MGAT4C: variants seen among roughly 807,000 people sequenced by gnomAD.
The protein encoded by MGAT4C is alpha-1,3-mannosyl-glycoprotein 4-beta-N-acetylglucosaminyltransferase C.
A neutral mutation model predicts 40.1 loss-of-function variants in MGAT4C; 19 were observed. The observed-to-expected ratio is 0.47, with a 90% CI of 0.33 to 0.70. The LOEUF (loss-of-function observed/expected upper bound fraction) is 0.70, where lower values mean the gene tolerates loss of function less well. Among genes scored for constraint, MGAT4C ranks in the 30% least tolerant of loss-of-function variants. MGAT4C has a pLI of 0.02. For synonymous variants in MGAT4C, 181 were observed against 187.1 expected (o/e 0.97, Z 0.27); for missense variants, 491 against 563.2 (o/e 0.87, Z 1.30).
At chr12:86,099,155 A>C (rs1874476830) in intron 1 of MGAT4C, among the ~76,000 whole-genome samples, 1 of 151,386 alleles carries the variant, frequency 6.6e-6, no homozygotes. Context: ...GTGGTGTGTT[A>C]TATTTTTATG....
At chr12:86,369,693 T>C (rs1215608751) in intron 3 of MGAT4C, among the ~76,000 whole-genome samples, 1 of 152,018 alleles carries the variant, frequency 6.6e-6, no homozygotes, top group Admixed American at 6.6e-5. Context: ...TGGTTATTGT[T>C]ATTATCCTTT....
intron 4 of MGAT4C, among the ~76,000 whole-genome samples, chr12:86,330,068 CTGAG>C (rs1484305048): frequency 6.6e-6 from 1 of 152,226 alleles, no homozygotes; most frequent in African/African-American, 2.4e-5. Flanking sequence ...TTATTGTAGA[CTGAG>C]TATTTTAAGC....
chr12:86,559,370 T>G lies in MGAT4C; in HGVS notation c.-228-124105A>C, dbSNP rs967971788. Among the ~76,000 whole-genome samples the G allele has an allele frequency of 3.3e-5, 5 of 151,950 alleles. No homozygotes were observed. In the East Asian group the frequency reaches 7.7e-4, roughly 23 times the overall value. On this transcript the variant is annotated intron_variant, in intron 2 of 7. Transcript: ENST00000548651. ...TTCAACAGCCACAGAAGACATATTCTTATTAGCACACGGAACATTCTCTAG... is the reference window on the plus strand; with the variant it reads ...TTCAACAGCCACAGAAGACATATTCGTATTAGCACACGGAACATTCTCTAG...
chr12:86,642,988 A>G (rs554873462), intron 2 of MGAT4C, among the ~76,000 whole-genome samples: 1 of 151,930 alleles, frequency 6.6e-6, no homozygotes, highest in East Asian at 1.9e-4. Flanking sequence ...ACTTAGAGTT[A>G]CCATAGTACC....
chr12:86,627,634 G>C (rs1962864550), intron 2 of MGAT4C, among the ~76,000 whole-genome samples: 1 of 152,202 alleles, frequency 6.6e-6, no homozygotes. Context: ...AACTCCAACA[G>C]ACTTGCAGCT....
At chr12:86,705,555 C>A (rs1029450068) in intron 2 of MGAT4C, among the ~76,000 whole-genome samples, 15 of 151,958 alleles carry the variant, frequency 9.9e-5, no homozygotes, top group Admixed American at 3.3e-4. Context: ...TTATGAAAAG[C>A]AAAAATGTAA....
At chr12:86,047,462 A>T (rs2136957467) in intron 2 of MGAT4C, among the ~76,000 whole-genome samples, 1 of 152,314 alleles carries the variant, frequency 6.6e-6, no homozygotes, top group Admixed American at 6.5e-5. Flanking sequence ...TAATAAAAAC[A>T]GAAACCCTGA....
chr12:86,543,150 A>G (rs1398030166), intron 2 of MGAT4C, among the ~76,000 whole-genome samples: 1 of 151,982 alleles, frequency 6.6e-6, no homozygotes, highest in Non-Finnish European at 1.5e-5. Flanking sequence ...AGCGTTGATG[A>G]GTAAATTTTT....
intron 2 of MGAT4C, among the ~76,000 whole-genome samples, chr12:86,659,699 C>T (rs530182978): frequency 1.3e-5 from 2 of 151,950 alleles, no homozygotes; most frequent in South Asian, 4.2e-4. Context: ...TCTCTTTTTC[C>T]CCATCCATGG....
chr12:86,300,919 A>T (rs1413977102), intron 4 of MGAT4C, among the ~76,000 whole-genome samples: 1 of 152,170 alleles, frequency 6.6e-6, no homozygotes, highest in Non-Finnish European at 1.5e-5. Flanking sequence ...AGGGATATCT[A>T]AGAACAAGTA....
intron 3 of MGAT4C, among the ~76,000 whole-genome samples, chr12:86,348,110 A>G (rs181103239): frequency 1.2e-4 from 18 of 152,162 alleles, no homozygotes; most frequent in Non-Finnish European, 2.5e-4. Flanking sequence ...TCAATAAAAT[A>G]TTCCTAACAT....
At chr12:86,428,003 G>A (rs1429483583) in intron 3 of MGAT4C, among the ~76,000 whole-genome samples, 3 of 152,012 alleles carry the variant, frequency 2.0e-5, no homozygotes, top group African/African-American at 7.3e-5. Flanking sequence ...CAGGGAGACA[G>A]AGCGAGAGTC....
chr12:86,443,391 G>C (rs547278563), intron 2 of MGAT4C, among the ~76,000 whole-genome samples: 1 of 152,134 alleles, frequency 6.6e-6, no homozygotes, highest in Non-Finnish European at 1.5e-5. Flanking sequence ...AATAGACCTG[G>C]AGAAAAATTC....
intron 1 of MGAT4C, chr12:86,068,512 T>C (rs1276587303): frequency 6.7e-6 from 1 of 149,902 alleles, no homozygotes; most frequent in African/African-American, 2.4e-5. Context: ...TGTTTTCTTT[T>C]TTAGGAACAT....
At chr12:86,608,731 A>T (rs1195025270) in intron 2 of MGAT4C, among the ~76,000 whole-genome samples, 2 of 152,090 alleles carry the variant, frequency 1.3e-5, no homozygotes, top group Non-Finnish European at 2.9e-5. Context: ...AACCAACTTG[A>T]TCTACATCTC....
rs139599258 is a variant in MGAT4C at position 86,383,508 on chromosome 12, G to A, written c.-119-49381C>T. Among the ~76,000 whole-genome samples, 1,150 of 121,082 alleles carry A rather than the reference G, an allele frequency of 9.5e-3. 13 individuals are homozygous for A. The highest frequency in any genetic ancestry group is 0.034 in the African/African-American group (1,093 of 32,310). 79.4% of individuals were successfully genotyped at this position (121,082 alleles called of 152,430 possible). A position where few individuals can be genotyped will look rare whatever the true frequency, so the allele number is the denominator to read the frequency against. On this transcript the variant is annotated intron_variant, in intron 3 of 7. Coordinates refer to the MGAT4C transcript ENST00000548651. ...GGAGGTTGCAGTGAGCCAAGATCAC[G>A]CCGCTGCACTCCAGACTGGTGACAG...
intron 2 of MGAT4C, among the ~76,000 whole-genome samples, chr12:86,604,617 A>G (rs989108922): frequency 1.3e-5 from 2 of 152,178 alleles, no homozygotes; most frequent in Non-Finnish European, 2.9e-5. Context: ...CTTTCACAAA[A>G]GAAAAAACTG....
At chr12:86,342,607 T>A (rs1403681213) in intron 3 of MGAT4C, among the ~76,000 whole-genome samples, 1 of 151,980 alleles carries the variant, frequency 6.6e-6, no homozygotes, top group Non-Finnish European at 1.5e-5. Flanking sequence ...CCCGGCTAAT[T>A]TTTTTGTATT....
intron 3 of MGAT4C, among the ~76,000 whole-genome samples, chr12:86,353,723 T>C: frequency 6.6e-6 from 1 of 152,130 alleles, no homozygotes; most frequent in East Asian, 1.9e-4. Flanking sequence ...AAATAATCCT[T>C]CTCTCTCATT....
Sources: gnomAD v4.1 joint callset for allele counts (sites outside exome capture counted in the v4.1 genomes callset) on GRCh38, gnomAD v4.1.1 for gene constraint, MANE v1.5 for transcripts, NCBI Gene and HGNC (gene_info 2026-07-23, HGNC 2026-07-21) for gene names.